The following ARHGAP15 variants were observed in gnomAD, a reference collection of about 807,000 sequenced individuals.
ARHGAP15 encodes the protein rho GTPase-activating protein 15.
A neutral mutation model predicts 63.7 loss-of-function variants in ARHGAP15; 51 were observed. The observed-to-expected ratio is 0.80, with a 90% CI of 0.64 to 1.01. ARHGAP15 has a LOEUF of 1.01. ARHGAP15 is among the 50% of genes least tolerant of loss of function. The pLI, the probability that ARHGAP15 is intolerant of heterozygous loss-of-function variation, is 0.00. For missense variants in ARHGAP15, 560 were observed against 564.6 expected (o/e 0.99, Z 0.08); for synonymous variants, 191 against 193.8 (o/e 0.99, Z 0.12).
intron 6 of ARHGAP15, among the ~76,000 whole-genome samples, chr2:143,376,255 A>T (rs1031698004): frequency 2.6e-5 from 4 of 152,246 alleles, no homozygotes; most frequent in Non-Finnish European, 4.4e-5. Flanking sequence ...TGAGCTAACC[A>T]GGAAAATCAA....
In ARHGAP15 at chr2:143,624,249, C is replaced by T; in HGVS notation, c.1120C>T (p.Gln374Ter). ...GCTCTTCCCTTACAGTTTCTTTGAG[C>T]AGTTTGTGGAAGCGATCAGTAAGTA... Reference protein sequence around the residue: ...EPLFPYSFFEQFVEAIKKQDN... With the variant: ...EPLFPYSFFE The change falls in exon 12 of 14, where the codon CAG becomes TAG. Residue 374 changes from glutamine (Q) to a stop codon, truncating the protein, a stop_gained. Coordinates refer to ENST00000295095, the MANE Select transcript of ARHGAP15 (RefSeq NM_018460.4). LOFTEE classifies it high-confidence loss of function. 2 of 1,613,166 alleles carry T rather than the reference C, an allele frequency of 1.2e-6. No individual in the cohort carries two copies. Among genetic ancestry groups the T allele is most frequent in the Non-Finnish European group, 1.7e-6 (2 of 1,179,522 alleles).
intron 2 of ARHGAP15, among the ~76,000 whole-genome samples, chr2:143,193,952 T>C (rs1361426024): frequency 6.6e-6 from 1 of 152,196 alleles, no homozygotes; most frequent in African/African-American, 2.4e-5. Flanking sequence ...ACGAAAGCCT[T>C]TCTGGGCAAT....
chr2:143,636,395 T>A (rs1049900254), intron 12 of ARHGAP15, among the ~76,000 whole-genome samples: 2 of 152,158 alleles, frequency 1.3e-5, no homozygotes, highest in Non-Finnish European at 2.9e-5. Context: ...TGTCATGTTA[T>A]GAAAATGTTT....
At chr2:143,319,442 G>A (rs975018656) in intron 6 of ARHGAP15, among the ~76,000 whole-genome samples, 7 of 151,920 alleles carry the variant, frequency 4.6e-5, no homozygotes, top group African/African-American at 1.2e-4. Flanking sequence ...GGCTGGTCTC[G>A]AACTCCTGAC....
intron 6 of ARHGAP15, chr2:143,351,404 G>C (rs1685566293): frequency 6.6e-6 from 1 of 152,200 alleles, no homozygotes; most frequent in Non-Finnish European, 1.5e-5. Flanking sequence ...CACCTGGAAA[G>C]GAAGAGAAGG....
chr2:143,255,885 C>T (rs984707924), intron 6 of ARHGAP15, among the ~76,000 whole-genome samples: 3 of 152,120 alleles, frequency 2.0e-5, no homozygotes, highest in African/African-American at 7.2e-5. Flanking sequence ...GAAACATTCA[C>T]GTCTAACACA....
chr2:143,537,478 C>T (rs1307461692), intron 10 of ARHGAP15, among the ~76,000 whole-genome samples: 1 of 152,110 alleles, frequency 6.6e-6, no homozygotes, highest in African/African-American at 2.4e-5. Flanking sequence ...AATGGTATTG[C>T]CTAGGTTTTC....
At chr2:143,331,594 C>G (rs984839906) in intron 6 of ARHGAP15, among the ~76,000 whole-genome samples, 3 of 152,102 alleles carry the variant, frequency 2.0e-5, no homozygotes, top group Non-Finnish European at 4.4e-5. Flanking sequence ...TTTTAGCAGT[C>G]AGATTTTAGC....
At chr2:143,439,599 T>G (rs1458078961) in intron 8 of ARHGAP15, among the ~76,000 whole-genome samples, 1 of 151,722 alleles carries the variant, frequency 6.6e-6, no homozygotes, top group Non-Finnish European at 1.5e-5. Context: ...GCTTGTCTTA[T>G]AGCAATACAT....
At chr2:143,538,292 G>T (rs963610077) in intron 10 of ARHGAP15, among the ~76,000 whole-genome samples, 1 of 152,092 alleles carries the variant, frequency 6.6e-6, no homozygotes, top group African/African-American at 2.4e-5. Context: ...GAGACAATGG[G>T]GTTTTCTAGA....
chr2:143,485,748 C>G (rs1692295861), intron 8 of ARHGAP15, among the ~76,000 whole-genome samples: 1 of 152,074 alleles, frequency 6.6e-6, no homozygotes, highest in African/African-American at 2.4e-5. Context: ...AGAGGACAGG[C>G]CTCTACAACA....
chr2:143,453,745 A>T (rs61306347), intron 8 of ARHGAP15, among the ~76,000 whole-genome samples: 6,140 of 151,906 alleles, frequency 0.04, 433 homozygotes, highest in Admixed American at 0.18. Context: ...CTATTAACAT[A>T]ATACATAAAT....
At chr2:143,132,755 G>A (rs1196731404) in intron 1 of ARHGAP15, among the ~76,000 whole-genome samples, 2 of 152,122 alleles carry the variant, frequency 1.3e-5, no homozygotes, top group South Asian at 2.1e-4. Context: ...ATTCTACTAC[G>A]GAGTCACGTA....
intron 6 of ARHGAP15, among the ~76,000 whole-genome samples, chr2:143,254,415 T>TAA (rs540309663): frequency 6.3e-5 from 9 of 142,872 alleles, no homozygotes; most frequent in African/African-American, 1.3e-4. Context: ...CAAGTTTGTT[T>TAA]AAAAAAAAAA....
chr2:143,212,253 G>A (rs113156532), intron 3 of ARHGAP15, among the ~76,000 whole-genome samples: 5 of 152,258 alleles, frequency 3.3e-5, no homozygotes, highest in East Asian at 3.9e-4. Context: ...CGCCTCCAAC[G>A]TAGGTTGATA....
At chr2:143,351,989 A>G (rs1685594427) in intron 6 of ARHGAP15, among the ~76,000 whole-genome samples, 1 of 152,224 alleles carries the variant, frequency 6.6e-6, no homozygotes, top group Non-Finnish European at 1.5e-5. Context: ...AGATACCATT[A>G]TCTTGGACTA....
At chr2:143,632,323 C>T (rs1303895929) in intron 12 of ARHGAP15, among the ~76,000 whole-genome samples, 1 of 151,776 alleles carries the variant, frequency 6.6e-6, no homozygotes, top group East Asian at 1.9e-4. Context: ...TATATAAAAC[C>T]ATATGAACAT....
intron 12 of ARHGAP15, among the ~76,000 whole-genome samples, chr2:143,663,219 G>C (rs1406456858): frequency 7.1e-6 from 1 of 141,510 alleles, no homozygotes; most frequent in Non-Finnish European, 1.5e-5. Context: ...CGGATCTCTC[G>C]GCAGAAACCC....
intron 6 of ARHGAP15, among the ~76,000 whole-genome samples, chr2:143,361,816 G>C (rs1397142990): frequency 3.3e-5 from 5 of 152,122 alleles, no homozygotes; most frequent in Non-Finnish European, 7.4e-5. Flanking sequence ...CCTGGGGCTG[G>C]CTGCCAGAGA....
Sources: allele counts gnomAD v4.1 joint callset (sites outside exome capture counted in the v4.1 genomes callset), GRCh38; gene constraint gnomAD v4.1.1; transcripts MANE v1.5; gene names NCBI Gene and HGNC (gene_info 2026-07-23, HGNC 2026-07-21).